The following SMARCC1 variants were observed in gnomAD, a reference collection of about 807,000 sequenced individuals.
SMARCC1 encodes the protein SWI/SNF complex subunit SMARCC1.
A neutral mutation model predicts 147.4 loss-of-function variants in SMARCC1; 43 were observed. The observed-to-expected ratio is 0.29, with a 90% CI of 0.23 to 0.38. The LOEUF (loss-of-function observed/expected upper bound fraction) is 0.38. Among genes scored for constraint, SMARCC1 ranks in the 10% least tolerant of loss-of-function variants. SMARCC1 has a pLI of 1.00. For synonymous variants in SMARCC1, 495 were observed against 484.4 expected (o/e 1.02, Z -0.29); for missense variants, 1,119 against 1,381.1 (o/e 0.81, Z 3.01).
intron 13 of SMARCC1, among the ~76,000 whole-genome samples, chr3:47,688,228 C>A (rs1177977777): frequency 1.3e-5 from 2 of 151,874 alleles, no homozygotes; most frequent in African/African-American, 4.8e-5. Flanking sequence ...CCATTGCACT[C>A]CAGCCTGGGC....
At chr3:47,596,521 C>A (rs2032284756) in intron 26 of SMARCC1, among the ~76,000 whole-genome samples, 1 of 150,862 alleles carries the variant, frequency 6.6e-6, no homozygotes, top group Non-Finnish European at 1.5e-5. Context: ...GAGCCGAGAT[C>A]ATGCCACTGC....
At chr3:47,602,149 G>A (rs2032397856) in intron 26 of SMARCC1, among the ~76,000 whole-genome samples, 1 of 152,106 alleles carries the variant, frequency 6.6e-6, no homozygotes, top group South Asian at 2.1e-4. Context: ...ACTGTAGCTG[G>A]GTGTGGTAGC....
intron 26 of SMARCC1, among the ~76,000 whole-genome samples, chr3:47,598,824 TCAAAAAAA>T (rs1559622334): frequency 4.0e-5 from 1 of 25,034 alleles, no homozygotes. Context: ...GGACTCTGTC[TCAAAAAAA>T]AAAAAAAAAA....
intron 24 of SMARCC1, among the ~76,000 whole-genome samples, chr3:47,632,765 G>A (rs2032909969): frequency 1.3e-5 from 2 of 152,150 alleles, no homozygotes; most frequent in South Asian, 4.1e-4. Flanking sequence ...AGAACTACAA[G>A]AAACAGTTCA....
intron 2 of SMARCC1, among the ~76,000 whole-genome samples, chr3:47,763,151 G>A (rs546798011): frequency 6.6e-6 from 1 of 151,566 alleles, no homozygotes; most frequent in South Asian, 2.1e-4. Flanking sequence ...TTCTTCAACA[G>A]TAATAATCTT....
chr3:47,622,178 A>G (rs768982036), intron 25 of SMARCC1, 29 bp downstream of exon 25: 1 of 1,588,694 alleles, frequency 6.3e-7, no homozygotes, highest in Non-Finnish European at 8.5e-7. Flanking sequence ...TAATTGTGAA[A>G]AAGCCACTAA....
chr3:47,727,659 G>C (rs533483836), intron 6 of SMARCC1, among the ~76,000 whole-genome samples: 2 of 151,180 alleles, frequency 1.3e-5, no homozygotes, highest in African/African-American at 4.9e-5. Flanking sequence ...CTTCTTGCCC[G>C]GGCTAGAGCG....
intron 2 of SMARCC1, among the ~76,000 whole-genome samples, chr3:47,755,169 C>A (rs1000943292): frequency 6.6e-6 from 1 of 152,086 alleles, no homozygotes; most frequent in Admixed American, 6.6e-5. Context: ...CAAGATCGCA[C>A]CACTGCACTT....
chr3:47,666,389 G>C (rs1433151823), intron 19 of SMARCC1, among the ~76,000 whole-genome samples: 2 of 152,034 alleles, frequency 1.3e-5, no homozygotes, highest in African/African-American at 4.8e-5. Flanking sequence ...ATCTTTCTCT[G>C]TCACTTAAGC....
rs1405276864 is a variant in SMARCC1, at chr3:47,717,421, CAG to C, written c.717-2933_717-2932del. ...TTTAAGAAAGGGGAGGTCATGAAGA[CAG>C]AGGAAGAACCTATAAAACTATAAAT... On this transcript the variant is annotated intron_variant, in intron 7 of 27. Coordinates refer to ENST00000254480, the MANE Select transcript of SMARCC1 (RefSeq NM_003074.4). 6.6e-5 allele frequency among the ~76,000 whole-genome samples: 10 copies of C among 152,124 alleles called. No homozygotes were observed. The East Asian group carries it at 1.7e-3, about 26-fold the overall frequency.
At chr3:47,655,286 TAC>T (rs2033246462) in intron 21 of SMARCC1, among the ~76,000 whole-genome samples, 1 of 152,208 alleles carries the variant, frequency 6.6e-6, no homozygotes, top group Non-Finnish European at 1.5e-5. Flanking sequence ...TAGTTCTAGC[TAC>T]TTGGGAAGCT....
intron 9 of SMARCC1, 98 bp downstream of exon 9, chr3:47,710,585 C>T (rs2034073050): frequency 1.6e-6 from 2 of 1,244,628 alleles, no homozygotes; most frequent in East Asian, 2.6e-5. Flanking sequence ...GTGAAAGTTC[C>T]TAAGTGGTTT....
At chr3:47,666,222 G>A (rs2033418364) in intron 19 of SMARCC1, among the ~76,000 whole-genome samples, 1 of 152,116 alleles carries the variant, frequency 6.6e-6, no homozygotes, top group South Asian at 2.1e-4. Context: ...GAAACATCAT[G>A]TTTTAGGACC....
chr3:47,682,516 C>G (rs1037489229), intron 14 of SMARCC1, among the ~76,000 whole-genome samples: 4 of 152,100 alleles, frequency 2.6e-5, no homozygotes, highest in African/African-American at 7.2e-5. Flanking sequence ...CTCAGCCTCT[C>G]AAAGTGCTGT....
chr3:47,627,884 G>A (rs2032835026), intron 24 of SMARCC1, among the ~76,000 whole-genome samples: 1 of 151,746 alleles, frequency 6.6e-6, no homozygotes. Flanking sequence ...ACCACGCCTG[G>A]CCAACTTTAA....
intron 25 of SMARCC1, among the ~76,000 whole-genome samples, chr3:47,615,358 T>C (rs1250980648): frequency 6.6e-6 from 1 of 152,194 alleles, no homozygotes; most frequent in Non-Finnish European, 1.5e-5. Context: ...AACAAATAAA[T>C]CATTTTATCT....
rs1281065492 is a variant in SMARCC1 at position 47,781,710 on chromosome 3, C to T, written c.88G>A (p.Val30Ile). 6.4e-7 allele frequency: 1 copy of T among 1,561,302 alleles called. No homozygotes were observed. The highest frequency in any genetic ancestry group is 2.6e-5 in the East Asian group (1 of 37,938). ...GIAAAAAGLA[V>I]YRRKDGGPAT... The stretch of plus-strand genomic sequence containing the variant: ...GGGCCCCCATCCTTCCGTCGATAAA[C>T]AGCTAGGCCTGCGGCTGCCGCCGCA... The change falls in exon 1 of 28, where the codon GTT (valine) becomes ATT (isoleucine). Residue 30 changes from valine (V) to isoleucine (I), a missense_variant. Val to Ile is a conservative substitution (Grantham distance 29). Coordinates refer to ENST00000254480, the MANE Select transcript of SMARCC1 (RefSeq NM_003074.4).
chr3:47,615,579 T>C (rs1294499784), intron 25 of SMARCC1, among the ~76,000 whole-genome samples: 2 of 152,218 alleles, frequency 1.3e-5, no homozygotes, highest in Non-Finnish European at 2.9e-5. Context: ...TGAGTCAATG[T>C]CTCATCCATC....
At chr3:47,761,152 A>AAAAGC (rs1553691551) in intron 2 of SMARCC1, among the ~76,000 whole-genome samples, 2 of 151,650 alleles carry the variant, frequency 1.3e-5, no homozygotes, top group African/African-American at 2.4e-5. Flanking sequence ...AAAAGAAAAG[A>AAAAGC]AAAGCCAGGC....
Sources: gnomAD v4.1 joint callset for allele counts (sites outside exome capture counted in the v4.1 genomes callset) on GRCh38, gnomAD v4.1.1 for gene constraint, MANE v1.5 for transcripts, NCBI Gene and HGNC (gene_info 2026-07-23, HGNC 2026-07-21) for gene names.